The following CLSTN1 variants were observed in gnomAD, a reference collection of about 807,000 sequenced individuals.
The protein encoded by CLSTN1 is calsyntenin 1, also known as calsyntenin-1.
In CLSTN1, 28 loss-of-function variants were observed where a neutral mutation model predicts 108.3. The observed-to-expected ratio is 0.26, with a 90% CI of 0.19 to 0.35. The LOEUF (loss-of-function observed/expected upper bound fraction) is 0.35. Among genes scored for constraint, CLSTN1 ranks in the 10% least tolerant of loss-of-function variants. CLSTN1 has a pLI of 1.00. For missense variants in CLSTN1, 1,157 were observed against 1,302.6 expected, an observed-to-expected ratio of 0.89 and a Z score of 1.72; for synonymous variants, 524 against 534.9, an observed-to-expected ratio of 0.98 and a Z score of 0.28.
intron 1 of CLSTN1, among the ~76,000 whole-genome samples, chr1:9,818,530 T>C (rs796595895): frequency 9.2e-5 from 14 of 152,054 alleles, no homozygotes; most frequent in African/African-American, 3.4e-4. Flanking sequence ...GGTTTCATCA[T>C]GTTGGCCAGG....
intron 1 of CLSTN1, among the ~76,000 whole-genome samples, chr1:9,822,359 A>C (rs1487467352): frequency 6.6e-6 from 1 of 152,232 alleles, no homozygotes; most frequent in African/African-American, 2.4e-5. Flanking sequence ...CTCGATGTTT[A>C]GAAAGGAACA....
intron 10 of CLSTN1, among the ~76,000 whole-genome samples, chr1:9,738,383 G>T (rs993527855): frequency 6.6e-6 from 1 of 152,192 alleles, no homozygotes; most frequent in Non-Finnish European, 1.5e-5. Flanking sequence ...TCTATGGTGT[G>T]CTAGGGCCCC....
At chr1:9,779,402 G>A (rs112875102) in intron 1 of CLSTN1, among the ~76,000 whole-genome samples, 40 of 151,922 alleles carry the variant, frequency 2.6e-4, no homozygotes, top group East Asian at 1.2e-3. Context: ...GTGAAACTCC[G>A]TCTCTACCAA....
chr1:9,817,257 A>C (rs935708715), intron 1 of CLSTN1, among the ~76,000 whole-genome samples: 1 of 152,176 alleles, frequency 6.6e-6, no homozygotes, highest in Non-Finnish European at 1.5e-5. Context: ...AAAAAGAAAA[A>C]ACATGACTCT....
At chr1:9,769,825 G>A (rs956220483) in intron 2 of CLSTN1, among the ~76,000 whole-genome samples, 3 of 151,952 alleles carry the variant, frequency 2.0e-5, no homozygotes, top group African/African-American at 4.8e-5. Context: ...GGCAGATCAC[G>A]AGGTCAGGAG....
chr1:9,817,568 T>A (rs1280688284), intron 1 of CLSTN1, among the ~76,000 whole-genome samples: 1 of 152,160 alleles, frequency 6.6e-6, no homozygotes, highest in Non-Finnish European at 1.5e-5. Context: ...CCTAAGGTGA[T>A]CCGCCTGCCT....
chr1:9,776,035 C>T (rs997642432), intron 1 of CLSTN1, among the ~76,000 whole-genome samples: 2 of 151,288 alleles, frequency 1.3e-5, no homozygotes, highest in African/African-American at 4.9e-5. Context: ...TGCAATGGCG[C>T]GATCTCAGCT....
In CLSTN1 at chr1:9,730,726, C is replaced by A. The variant is rs1441638834; in HGVS notation, c.2749-21G>T. 1.3e-6 allele frequency: 2 copies of A among 1,572,322 alleles called. No individual in the cohort carries two copies. The highest frequency in any genetic ancestry group is 1.7e-6 in the Non-Finnish European group (2 of 1,162,158). The stretch of plus-strand genomic sequence containing the variant: ...TAGGTCTGGCAAGGAGAAGTGACGG[C>A]CACATGAGTCCGGCCCTGCCCACAG... On this transcript the variant is annotated intron_variant, in intron 18 of 18. Transcript: ENST00000377298. This position sits in a 1 kb window ranked among gnomAD's most constrained non-coding sequence, Gnocchi z 5.6.
chr1:9,735,481 G>A lies in CLSTN1; in HGVS notation c.1869C>T (p.Ile623=), dbSNP rs1184742479. 6.2e-7 allele frequency: 1 copy of A among 1,614,204 alleles called. No individual in the cohort carries two copies. The highest frequency in any genetic ancestry group is 1.6e-4 in the Middle Eastern group (1 of 6,062). Residue 623 remains isoleucine, a synonymous_variant, in exon 13 of 19, where the codon ATC becomes ATT. Transcript: ENST00000377298. The part of the protein sequence containing the change: ...FPTPGIRRLK[I]TSTIKCFNEA... ...TCAGGACGTACTTGATTGTGCTGGT[G>A]ATTTTGAGTCTGCGAATTCCGGGCG... is the stretch of plus-strand genomic sequence containing the variant.
intron 1 of CLSTN1, among the ~76,000 whole-genome samples, chr1:9,787,051 T>G (rs1653529962): frequency 1.3e-5 from 2 of 150,392 alleles, no homozygotes; most frequent in Admixed American, 1.4e-4. Context: ...GCTGCAGGGG[T>G]GAGAAGAGAA....
intron 1 of CLSTN1, among the ~76,000 whole-genome samples, chr1:9,796,968 A>T (rs1021320119): frequency 1.3e-5 from 2 of 152,154 alleles, no homozygotes; most frequent in Admixed American, 1.3e-4. Context: ...AAATGCAGAG[A>T]CTCACACTAG....
At chr1:9,755,333 T>A in intron 3 of CLSTN1, 24 bp from the exon 4 acceptor site, 1 of 1,577,270 alleles carries the variant, frequency 6.3e-7, no homozygotes, top group Non-Finnish European at 8.7e-7. Flanking sequence ...GCAGAACAGG[T>A]AAGAATTCCT....
intron 2 of CLSTN1, among the ~76,000 whole-genome samples, chr1:9,768,787 C>T (rs1398231627): frequency 4.0e-4 from 14 of 35,054 alleles, no homozygotes; most frequent in African/African-American, 1.5e-3. Flanking sequence ...ACCATGGGGG[C>T]GGGGTTCTGT....
At chr1:9,790,729 T>C (rs1653724350) in intron 1 of CLSTN1, among the ~76,000 whole-genome samples, 1 of 151,430 alleles carries the variant, frequency 6.6e-6, no homozygotes, top group Non-Finnish European at 1.5e-5. Context: ...CCACTGAGGC[T>C]AATCTAGCGG....
chr1:9,783,469 C>T (rs1653341568), intron 1 of CLSTN1, among the ~76,000 whole-genome samples: 3 of 152,154 alleles, frequency 2.0e-5, no homozygotes, highest in Admixed American at 2.0e-4. Flanking sequence ...CCTGTAATCC[C>T]AACACTTCGG....
chr1:9,781,721 G>C (rs964384792), intron 1 of CLSTN1, among the ~76,000 whole-genome samples: 1 of 152,114 alleles, frequency 6.6e-6, no homozygotes, highest in Non-Finnish European at 1.5e-5. Context: ...GGGACTACAG[G>C]AGTGAGTCAC....
intron 17 of CLSTN1, 26 bp downstream of exon 17, chr1:9,731,735 G>A (rs201476176): frequency 6.9e-5 from 111 of 1,613,480 alleles, no homozygotes; most frequent in Non-Finnish European, 8.1e-5. Context: ...GAGCATCTCC[G>A]CTTGGTCTCC....
At chr1:9,764,117 AG>A (rs1221032745) in intron 2 of CLSTN1, among the ~76,000 whole-genome samples, 3 of 151,370 alleles carry the variant, frequency 2.0e-5, no homozygotes, top group African/African-American at 4.8e-5. Context: ...AGAGAGAGAG[AG>A]AGAGAGAGAG....
intron 1 of CLSTN1, chr1:9,781,100 A>C (rs1570485293): frequency 1.4e-6 from 1 of 697,654 alleles, no homozygotes; most frequent in East Asian, 2.6e-5. Context: ...AAGAATTTAG[A>C]ATGCTGGCTT....
Sources: allele counts gnomAD v4.1 joint callset (sites outside exome capture counted in the v4.1 genomes callset), GRCh38; gene constraint gnomAD v4.1.1; non-coding constraint Gnocchi (gnomAD v3.1); transcripts MANE v1.5; gene names NCBI Gene and HGNC (gene_info 2026-07-23, HGNC 2026-07-21).